Variants in AFF2 observed in about 807,000 individuals in gnomAD.
AFF2 encodes the protein ALF transcription elongation factor 2.
In AFF2, 14 loss-of-function variants were observed where a neutral mutation model predicts 76.9. The observed-to-expected ratio is 0.18, with a 90% CI of 0.12 to 0.28. The LOEUF (loss-of-function observed/expected upper bound fraction) is 0.28, where lower values mean the gene tolerates loss of function less well. Ranked by LOEUF, AFF2 falls within the 10% of genes least tolerant of loss-of-function variation. AFF2 has a pLI of 1.00. For synonymous variants in AFF2, 398 were observed against 366.7 expected, an observed-to-expected ratio of 1.09 and a Z score of -0.98; for missense variants, 868 against 1,001.1, an observed-to-expected ratio of 0.87 and a Z score of 1.79.
intron 8 of AFF2, among the ~76,000 whole-genome samples, chrX:148,897,713 T>A (rs1324826416): frequency 9.0e-6 from 1 of 110,549 alleles, no homozygotes; most frequent in East Asian, 2.9e-4. Context: ...GCATTGATTG[T>A]CTCTCACTAA....
chrX:148,688,365 C>A (rs2054618974), intron 3 of AFF2, among the ~76,000 whole-genome samples: 1 of 111,448 alleles, frequency 9.0e-6, no homozygotes, highest in Non-Finnish European at 1.9e-5. Context: ...TGCCATCATA[C>A]TTTTACCAGC....
chrX:148,723,919 C>CT (rs782084454), intron 3 of AFF2, among the ~76,000 whole-genome samples: 9,193 of 84,451 alleles, frequency 0.11, 504 homozygotes, highest in Middle Eastern at 0.14. Flanking sequence ...TTTCTTTTTT[C>CT]TTTTTTTTTT....
intron 3 of AFF2, among the ~76,000 whole-genome samples, chrX:148,710,083 G>A (rs368363758): frequency 5.1e-4 from 57 of 111,793 alleles, no homozygotes; most frequent in African/African-American, 1.8e-3. Flanking sequence ...AACAGATTCG[G>A]AAATGGAGAC....
chrX:148,795,405 C>T (rs1557270301), intron 3 of AFF2, among the ~76,000 whole-genome samples: 1 of 110,294 alleles, frequency 9.1e-6, no homozygotes, highest in East Asian at 2.8e-4. Flanking sequence ...TTAGATGCTG[C>T]CCTGAAACTT....
intron 3 of AFF2, among the ~76,000 whole-genome samples, chrX:148,742,634 C>G (rs2055369623): frequency 9.0e-6 from 1 of 111,599 alleles, no homozygotes; most frequent in Non-Finnish European, 1.9e-5. Flanking sequence ...AATAGAATCC[C>G]TAAAATTCTA....
intron 1 of AFF2, among the ~76,000 whole-genome samples, chrX:148,623,381 A>C (rs1162042408): frequency 9.0e-6 from 1 of 110,693 alleles, no homozygotes; most frequent in Admixed American, 9.7e-5. Flanking sequence ...ATCTGTGTGA[A>C]TTGGTGTGCC....
In AFF2 at chrX:148,966,524, G is replaced by T. The variant is rs781979406; in HGVS notation, c.2914-266G>T. Among the ~76,000 whole-genome samples, 13 of 109,486 alleles carry T rather than the reference G, an allele frequency of 1.2e-4. No homozygotes were observed. In the South Asian group the frequency reaches 5.3e-3, roughly 44 times the overall value. The stretch of plus-strand genomic sequence containing the variant: ...ATCACTAGATTTAGACCTTTGCTGT[G>T]GCTGTCTTAATGGGATGGTGGAGCT... On this transcript the variant is annotated intron_variant, in intron 13 of 20. Coordinates refer to ENST00000370460, the MANE Select transcript of AFF2 (RefSeq NM_002025.4).
intron 7 of AFF2, among the ~76,000 whole-genome samples, chrX:148,843,833 T>C (rs1192624101): frequency 9.0e-6 from 1 of 110,680 alleles, no homozygotes; most frequent in Non-Finnish European, 1.9e-5. Context: ...AGGGCAGTAA[T>C]CCCATTCATG....
At chrX:148,847,050 G>A (rs991662853) in intron 7 of AFF2, among the ~76,000 whole-genome samples, 3 of 110,998 alleles carry the variant, frequency 2.7e-5, no homozygotes, top group African/African-American at 6.6e-5. Context: ...ACAGGTGCCC[G>A]CCACCTGTAG....
chrX:148,848,165 C>T (rs1160866352), intron 7 of AFF2, among the ~76,000 whole-genome samples: 3 of 110,658 alleles, frequency 2.7e-5, no homozygotes, highest in Non-Finnish European at 5.7e-5. Flanking sequence ...ACAACATTCC[C>T]ACAACCTGGT....
chrX:148,892,139 C>G (rs1312884658), intron 8 of AFF2, among the ~76,000 whole-genome samples: 1 of 111,256 alleles, frequency 9.0e-6, no homozygotes, highest in Non-Finnish European at 1.9e-5. Flanking sequence ...TTATTTAACC[C>G]CATCTTATTT....
At chrX:148,555,247 A>G (rs1223136266) in intron 1 of AFF2, among the ~76,000 whole-genome samples, 1 of 112,293 alleles carries the variant, frequency 8.9e-6, no homozygotes, top group Non-Finnish European at 1.9e-5. Flanking sequence ...TTAAAAACAG[A>G]GTACATTAAC....
chrX:148,836,127 C>T (rs1182137310), intron 4 of AFF2, among the ~76,000 whole-genome samples: 1 of 112,293 alleles, frequency 8.9e-6, no homozygotes, highest in African/African-American at 3.2e-5. Context: ...TAGGATTTGT[C>T]ATGAATGTTA....
At chrX:148,726,988 G>A (rs1280222051) in intron 3 of AFF2, among the ~76,000 whole-genome samples, 1 of 111,853 alleles carries the variant, frequency 8.9e-6, no homozygotes, top group Non-Finnish European at 1.9e-5. Context: ...GATGTGGCAG[G>A]CATCCTTTTT....
intron 9 of AFF2, among the ~76,000 whole-genome samples, chrX:148,926,390 A>T (rs2071651180): frequency 8.9e-6 from 1 of 111,906 alleles, no homozygotes; most frequent in Non-Finnish European, 1.9e-5. Context: ...TGAGATGAAA[A>T]GGGGTGAATG....
chrX:148,923,016 G>A (rs1044203226), intron 9 of AFF2, among the ~76,000 whole-genome samples: 1 of 111,867 alleles, frequency 8.9e-6, no homozygotes, highest in South Asian at 3.8e-4. Context: ...GGAGGAACAT[G>A]TTCATTAGAG....
At chrX:148,885,532 G>A (rs1336313446) in intron 7 of AFF2, among the ~76,000 whole-genome samples, 3 of 111,120 alleles carry the variant, frequency 2.7e-5, no homozygotes, top group Non-Finnish European at 5.7e-5. Flanking sequence ...GAAACTCTGA[G>A]CACCTTGTCC....
At chrX:148,702,433 A>T in intron 3 of AFF2, among the ~76,000 whole-genome samples, 2 of 111,576 alleles carry the variant, frequency 1.8e-5, no homozygotes, top group Middle Eastern at 4.6e-3. Context: ...TTTCCAGGTA[A>T]GTTTTTCTGC....
intron 1 of AFF2, among the ~76,000 whole-genome samples, chrX:148,531,837 G>A (rs1352460653): frequency 9.0e-6 from 1 of 111,365 alleles, no homozygotes; most frequent in Non-Finnish European, 1.9e-5. Context: ...TTATGTATTT[G>A]TTTATTTTAG....
Sources: gnomAD v4.1 joint callset for allele counts (sites outside exome capture counted in the v4.1 genomes callset) on GRCh38, gnomAD v4.1.1 for gene constraint, MANE v1.5 for transcripts, NCBI Gene and HGNC (gene_info 2026-07-23, HGNC 2026-07-21) for gene names.